ADGRL3: variants seen among roughly 807,000 people sequenced by gnomAD.
ADGRL3 encodes calcium-independent alpha-latrotoxin receptor 3.
A neutral mutation model predicts 153.5 loss-of-function variants in ADGRL3; 62 were observed. The ratio of observed to expected loss-of-function variants is 0.40; its 90% confidence interval spans 0.33 to 0.50. The LOEUF (loss-of-function observed/expected upper bound fraction) is 0.50, where lower values mean the gene tolerates loss of function less well. Among genes scored for constraint, ADGRL3 ranks in the 20% least tolerant of loss-of-function variants. The probability of loss-of-function intolerance (pLI) is 0.47; values close to 1 mark genes in which losing one functional copy is unlikely to be tolerated. For missense variants in ADGRL3, 1,641 were observed against 1,859.4 expected (o/e 0.88, Z 2.16); for synonymous variants, 710 against 672.5 (o/e 1.06, Z -0.86).
At chr4:61,601,485 G>A (rs923560292) in intron 5 of ADGRL3, among the ~76,000 whole-genome samples, 1 of 152,068 alleles carries the variant, frequency 6.6e-6, no homozygotes, top group African/African-American at 2.4e-5. Flanking sequence ...TAATTCCCAT[G>A]GAGAACAATA....
intron 1 of ADGRL3, among the ~76,000 whole-genome samples, chr4:61,250,348 G>T (rs1163859497): frequency 6.6e-6 from 1 of 152,134 alleles, no homozygotes; most frequent in African/African-American, 2.4e-5. Context: ...GGAGGAGTTG[G>T]ATTGGCTGAT....
chr4:61,458,783 G>A (rs2097780115), intron 2 of ADGRL3, among the ~76,000 whole-genome samples: 1 of 150,986 alleles, frequency 6.6e-6, no homozygotes, highest in African/African-American at 2.4e-5. Context: ...ATTTATTTTT[G>A]GAACCCTGTT....
chr4:61,238,489 A>G (rs78746735), intron 1 of ADGRL3, among the ~76,000 whole-genome samples: 34 of 147,892 alleles, frequency 2.3e-4, no homozygotes, highest in African/African-American at 7.9e-4. Flanking sequence ...GCACGTGTGT[A>G]TTTCTCTGGA....
intron 1 of ADGRL3, among the ~76,000 whole-genome samples, chr4:61,269,907 A>C (rs2093064607): frequency 6.6e-6 from 1 of 151,686 alleles, no homozygotes; most frequent in Admixed American, 6.6e-5. Context: ...TTTCTTTTAC[A>C]GATAAAGAAA....
chr4:61,302,131 A>T (rs143997801), intron 1 of ADGRL3, among the ~76,000 whole-genome samples: 1 of 152,318 alleles, frequency 6.6e-6, no homozygotes, highest in African/African-American at 2.4e-5. Context: ...GATTAAAAGG[A>T]TAAAAATGGC....
intron 25 of ADGRL3, among the ~76,000 whole-genome samples, chr4:62,045,600 A>C (rs974794405): frequency 1.3e-5 from 2 of 152,046 alleles, no homozygotes; most frequent in Non-Finnish European, 2.9e-5. Flanking sequence ...GTACTCAAGT[A>C]AGTTTCATCT....
At chr4:61,982,826 T>A (rs985685717) in intron 18 of ADGRL3, among the ~76,000 whole-genome samples, 1 of 152,158 alleles carries the variant, frequency 6.6e-6, no homozygotes, top group Non-Finnish European at 1.5e-5. Flanking sequence ...CTTAAATCAT[T>A]TTTGAAACAA....
At chr4:61,633,066 A>T (rs2093259113) in intron 5 of ADGRL3, among the ~76,000 whole-genome samples, 1 of 152,202 alleles carries the variant, frequency 6.6e-6, no homozygotes, top group Non-Finnish European at 1.5e-5. Flanking sequence ...AGACATTATT[A>T]TTCTATGTAA....
intron 1 of ADGRL3, among the ~76,000 whole-genome samples, chr4:61,353,551 G>A (rs534726022): frequency 1.3e-4 from 20 of 150,868 alleles, no homozygotes; most frequent in African/African-American, 4.9e-4. Flanking sequence ...ATCCCTTGTA[G>A]CTGGGACTAC....
At chr4:61,283,521 C>T (rs2093808192) in intron 1 of ADGRL3, among the ~76,000 whole-genome samples, 1 of 151,926 alleles carries the variant, frequency 6.6e-6, no homozygotes, top group Admixed American at 6.6e-5. Flanking sequence ...GTCTTCTCAG[C>T]TCTATTGATC....
chr4:61,395,134 TG>T (rs1479563216), intron 2 of ADGRL3, among the ~76,000 whole-genome samples: 1 of 152,044 alleles, frequency 6.6e-6, no homozygotes, highest in Non-Finnish European at 1.5e-5. Context: ...ATAGTATTCT[TG>T]GATTGTCAGT....
At chr4:61,711,216 C>G (rs543508934) in intron 6 of ADGRL3, among the ~76,000 whole-genome samples, 1 of 151,936 alleles carries the variant, frequency 6.6e-6, no homozygotes, top group East Asian at 1.9e-4. Flanking sequence ...TGCAGCACCA[C>G]TATCAACATT....
chr4:61,743,793 C>CG lies in ADGRL3; in HGVS notation c.1399+10242dup, dbSNP rs1224365882. On this transcript the variant is annotated intron_variant, in intron 8 of 26. Transcript: ENST00000683033. ...CTCCCAGCGTGAGTGACGCAGAAAA[C>CG]GGGTGATTTCTGCATTTCCATCTGA... 5.3e-5 allele frequency among the ~76,000 whole-genome samples: 8 copies of CG among 152,236 alleles called. No homozygotes were observed. The East Asian group carries it at 1.6e-3, about 30-fold the overall frequency.
At chr4:62,022,552 G>A (rs1423700719) in intron 21 of ADGRL3, among the ~76,000 whole-genome samples, 1 of 152,136 alleles carries the variant, frequency 6.6e-6, no homozygotes, top group African/African-American at 2.4e-5. Context: ...AGAAGTCAAT[G>A]TCTGGCTTCA....
At chr4:61,239,387 G>A (rs1478315018) in intron 1 of ADGRL3, among the ~76,000 whole-genome samples, 2 of 152,228 alleles carry the variant, frequency 1.3e-5, no homozygotes, top group East Asian at 3.9e-4. Flanking sequence ...GGAAATTACT[G>A]CTGATCCCTA....
intron 5 of ADGRL3, among the ~76,000 whole-genome samples, chr4:61,644,280 T>C (rs1439445797): frequency 6.7e-6 from 1 of 148,982 alleles, no homozygotes; most frequent in African/African-American, 2.5e-5. Flanking sequence ...TTTTTGTGTC[T>C]CTATTTCCTT....
chr4:61,754,061 G>A (rs1217375377), intron 8 of ADGRL3, among the ~76,000 whole-genome samples: 1 of 152,166 alleles, frequency 6.6e-6, no homozygotes, highest in Non-Finnish European at 1.5e-5. Context: ...GTAAGGCTGA[G>A]AATTCTGTAA....
At chr4:62,049,369 T>TCC (rs1394947567) in intron 25 of ADGRL3, among the ~76,000 whole-genome samples, 1 of 152,130 alleles carries the variant, frequency 6.6e-6, no homozygotes, top group Non-Finnish European at 1.5e-5. Context: ...CTTGTCAACC[T>TCC]CCCACACAAG....
chr4:62,056,455 C>T (rs969105237), intron 25 of ADGRL3, among the ~76,000 whole-genome samples: 7 of 151,902 alleles, frequency 4.6e-5, no homozygotes, highest in East Asian at 1.9e-4. Flanking sequence ...TGTGAATGTG[C>T]ACAATTTAGT....
Sources: gnomAD v4.1 joint callset for allele counts (sites outside exome capture counted in the v4.1 genomes callset) on GRCh38, gnomAD v4.1.1 for gene constraint, MANE v1.5 for transcripts, NCBI Gene and HGNC (gene_info 2026-07-23, HGNC 2026-07-21) for gene names.